The following DLGAP2 variants were observed in gnomAD, a reference collection of about 807,000 sequenced individuals.
The protein encoded by DLGAP2 is disks large-associated protein 2.
In DLGAP2, 26 loss-of-function variants were observed where a neutral mutation model predicts 100.3. The observed-to-expected ratio is 0.26, with a 90% CI of 0.19 to 0.36. DLGAP2 has a LOEUF of 0.36. Among genes scored for constraint, DLGAP2 ranks in the 10% least tolerant of loss-of-function variants. The probability of loss-of-function intolerance (pLI) is 1.00; values close to 1 mark genes in which losing one functional copy is unlikely to be tolerated. For missense variants in DLGAP2, 1,858 were observed against 1,453.2 expected (o/e 1.28, Z -4.53); for synonymous variants, 886 against 630.1 (o/e 1.41, Z -6.08).
chr8:1,267,577 A>ATAAAG (rs1433942651), intron 3 of DLGAP2, among the ~76,000 whole-genome samples: 1 of 56,802 alleles, frequency 1.8e-5, no homozygotes, highest in East Asian at 4.5e-4. Flanking sequence ...ATAAAATAAA[A>ATAAAG]TAAAATAAAA....
rs548894159 is a variant in DLGAP2 at position 1,069,574 on chromosome 8, C to G, written c.73+161608C>G. 7.2e-5 allele frequency among the ~76,000 whole-genome samples: 11 copies of G among 152,220 alleles called. No individual in the cohort carries two copies. In the South Asian group the frequency reaches 2.1e-3, roughly 29 times the overall value. Reference sequence around the variant, plus strand: ...TCCGAGAGTCCGAGCTTTACTGTCCCTTCACCGTGGAAATTATCATGGCTC... The same window carrying G: ...TCCGAGAGTCCGAGCTTTACTGTCCGTTCACCGTGGAAATTATCATGGCTC... On this transcript the variant is annotated intron_variant, in intron 2 of 14. Coordinates refer to ENST00000637795, the MANE Select transcript of DLGAP2 (RefSeq NM_001346810.2).
chr8:1,495,116 C>G (rs1006772240), intron 3 of DLGAP2, among the ~76,000 whole-genome samples: 2 of 152,228 alleles, frequency 1.3e-5, no homozygotes, highest in African/African-American at 4.8e-5. Flanking sequence ...GCCCTCCCTT[C>G]CCTGCCAAGA....
chr8:1,661,125 G>A (rs879471554), intron 8 of DLGAP2, among the ~76,000 whole-genome samples: 8 of 152,166 alleles, frequency 5.3e-5, no homozygotes, highest in Admixed American at 2.0e-4. Context: ...CCAAGAAAAC[G>A]TTGTCTAAAT....
chr8:1,511,528 A>G (rs1034710520), intron 4 of DLGAP2, among the ~76,000 whole-genome samples: 1 of 151,644 alleles, frequency 6.6e-6, no homozygotes, highest in African/African-American at 2.4e-5. Context: ...AGTGTAAGAC[A>G]GTCAATAGAT....
At chr8:1,481,566 G>T (rs1042975174) in intron 3 of DLGAP2, among the ~76,000 whole-genome samples, 6 of 129,706 alleles carry the variant, frequency 4.6e-5, no homozygotes, top group African/African-American at 1.7e-4. Flanking sequence ...GCAACCTCCA[G>T]CTCCCAGGTT....
At chr8:911,629 A>G (rs139496486) in intron 2 of DLGAP2, among the ~76,000 whole-genome samples, 78 of 151,396 alleles carry the variant, frequency 5.2e-4, no homozygotes, top group Non-Finnish European at 1.0e-3. Flanking sequence ...GGATGCATGT[A>G]TAATGTATGT....
intron 3 of DLGAP2, among the ~76,000 whole-genome samples, chr8:1,492,318 G>C: frequency 6.6e-6 from 1 of 152,238 alleles, no homozygotes; most frequent in East Asian, 1.9e-4. Context: ...TAACGGAGCA[G>C]AAATGAATCC....
intron 2 of DLGAP2, among the ~76,000 whole-genome samples, chr8:1,076,631 C>G (rs1803621639): frequency 6.6e-6 from 1 of 152,212 alleles, no homozygotes; most frequent in South Asian, 2.1e-4. Flanking sequence ...GTCTGTACGT[C>G]TCCTTCCCAG....
chr8:1,528,619 A>G (rs1800877079), intron 4 of DLGAP2, among the ~76,000 whole-genome samples: 1 of 152,118 alleles, frequency 6.6e-6, no homozygotes. Flanking sequence ...TCCTGTCACC[A>G]CCTTCCGCCT....
At chr8:1,447,355 T>C (rs1798010005) in intron 3 of DLGAP2, among the ~76,000 whole-genome samples, 1 of 152,258 alleles carries the variant, frequency 6.6e-6, no homozygotes, top group African/African-American at 2.4e-5. Flanking sequence ...ATGTGGTTTT[T>C]GTCTTTGGTT....
intron 3 of DLGAP2, among the ~76,000 whole-genome samples, chr8:1,425,135 A>G (rs976406788): frequency 3.3e-5 from 5 of 152,242 alleles, no homozygotes; most frequent in Admixed American, 2.0e-4. Context: ...ATATTTCAGC[A>G]CTGGGTGATA....
chr8:1,536,270 T>C (rs1055126768), intron 4 of DLGAP2, among the ~76,000 whole-genome samples: 2 of 152,192 alleles, frequency 1.3e-5, no homozygotes, highest in African/African-American at 4.8e-5. Context: ...TGTTGTCATC[T>C]GCCAGTCATG....
chr8:1,185,237 T>C (rs1797474472), intron 2 of DLGAP2, among the ~76,000 whole-genome samples: 2 of 152,146 alleles, frequency 1.3e-5, no homozygotes, highest in Admixed American at 1.3e-4. Context: ...CTGTATTTTC[T>C]AGCCCGATAT....
chr8:748,198 G>GCGGGTCTGCGGTGGGATGAGC (rs1820697305), intron 1 of DLGAP2, among the ~76,000 whole-genome samples: 1 of 129,226 alleles, frequency 7.7e-6, no homozygotes, highest in Admixed American at 7.5e-5. Flanking sequence ...GGTGGGATGG[G>GCGGGTCTGCGGTGGGATGAGC]GGGCTCTGCG....
chr8:1,054,739 T>A (rs944593944), intron 2 of DLGAP2, among the ~76,000 whole-genome samples: 1 of 152,206 alleles, frequency 6.6e-6, no homozygotes, highest in Non-Finnish European at 1.5e-5. Flanking sequence ...GGTTTTTGCA[T>A]TGTATTGGTG....
chr8:1,256,611 C>T (rs11984497), intron 2 of DLGAP2, among the ~76,000 whole-genome samples: 14,118 of 148,922 alleles, frequency 0.095, 2,047 homozygotes, highest in African/African-American at 0.3. Flanking sequence ...GCTGTGTGTG[C>T]GCACAGGGAC....
intron 4 of DLGAP2, among the ~76,000 whole-genome samples, chr8:1,532,144 A>G (rs562362830): frequency 7.2e-5 from 11 of 152,216 alleles, no homozygotes; most frequent in Admixed American, 2.6e-4. Context: ...GACTTTGAAT[A>G]GAGTGGGAGG....
At chr8:867,042 G>A (rs1023958721) in intron 1 of DLGAP2, among the ~76,000 whole-genome samples, 2 of 152,298 alleles carry the variant, frequency 1.3e-5, no homozygotes, top group East Asian at 1.9e-4. Context: ...CCAGGTTTCC[G>A]CCGTTCTGTG....
intron 3 of DLGAP2, among the ~76,000 whole-genome samples, chr8:1,316,564 G>T (rs1436361545): frequency 1.8e-5 from 2 of 110,044 alleles, no homozygotes; most frequent in Admixed American, 1.0e-4. Context: ...CGAGTGCAGC[G>T]TCTCTCCAAC....
Sources: gnomAD v4.1 joint callset for allele counts (sites outside exome capture counted in the v4.1 genomes callset) on GRCh38, gnomAD v4.1.1 for gene constraint, MANE v1.5 for transcripts, NCBI Gene and HGNC (gene_info 2026-07-23, HGNC 2026-07-21) for gene names.